MIPOL1: variants seen among roughly 807,000 people sequenced by gnomAD.
The protein encoded by MIPOL1 is mirror-image polydactyly 1.
Under a neutral mutation model 60.9 loss-of-function variants are expected in MIPOL1, and 57 were observed. The observed-to-expected ratio is 0.94, with a 90% CI of 0.76 to 1.17. MIPOL1 has a LOEUF of 1.17. Ranked by LOEUF, MIPOL1 falls within the 50% of genes most tolerant of loss-of-function variation. MIPOL1 has a pLI of 0.00. For missense variants in MIPOL1, 551 were observed against 511.6 expected (o/e 1.08, Z -0.74); for synonymous variants, 179 against 168.8 (o/e 1.06, Z -0.47).
At chr14:37,469,002 C>G (rs1192263076) in intron 11 of MIPOL1, among the ~76,000 whole-genome samples, 4 of 152,202 alleles carry the variant, frequency 2.6e-5, no homozygotes, top group Non-Finnish European at 5.9e-5. Flanking sequence ...TGGACTTTAT[C>G]CTAGGAACAG....
chr14:37,305,615 G>T (rs1240215304), intron 7 of MIPOL1, among the ~76,000 whole-genome samples: 1 of 151,550 alleles, frequency 6.6e-6, no homozygotes, highest in Admixed American at 6.6e-5. Flanking sequence ...TTTAATATCT[G>T]TGATATCCGT....
chr14:37,367,756 T>C (rs1448507341), intron 9 of MIPOL1, among the ~76,000 whole-genome samples: 1 of 152,072 alleles, frequency 6.6e-6, no homozygotes, highest in Admixed American at 6.6e-5. Context: ...TAATTTTATA[T>C]TAAATTTAAT....
intron 11 of MIPOL1, among the ~76,000 whole-genome samples, chr14:37,485,595 T>C (rs2094935055): frequency 2.0e-5 from 3 of 152,184 alleles, no homozygotes; most frequent in Admixed American, 6.6e-5. Flanking sequence ...GATGATGAGA[T>C]TTTTTTCATG....
At chr14:37,383,166 C>T (rs1410531392) in intron 10 of MIPOL1, among the ~76,000 whole-genome samples, 1 of 151,732 alleles carries the variant, frequency 6.6e-6, no homozygotes, top group Admixed American at 6.6e-5. Context: ...AATAATTTCA[C>T]AAAATCATGC....
intron 11 of MIPOL1, among the ~76,000 whole-genome samples, chr14:37,497,417 A>G (rs969290054): frequency 2.0e-5 from 3 of 152,270 alleles, no homozygotes; most frequent in Non-Finnish European, 2.9e-5. Flanking sequence ...ATTAGGCCAT[A>G]TATGTAAAGT....
chr14:37,321,981 T>TTA (rs2088626984), intron 9 of MIPOL1, among the ~76,000 whole-genome samples: 1 of 151,958 alleles, frequency 6.6e-6, no homozygotes, highest in African/African-American at 2.4e-5. Flanking sequence ...CAGTGAACGT[T>TTA]TATATATATA....
rs1158607979 is a variant in MIPOL1 at position 37,549,461 on chromosome 14, T to C, written c.*2490T>C. 2 of 151,766 alleles carry C rather than the reference T, an allele frequency of 1.3e-5. No homozygotes were observed. Among genetic ancestry groups the C allele is most frequent in the African/African-American group, 4.8e-5 (2 of 41,376 alleles). 9.4% of individuals were successfully genotyped at this position (151,766 alleles called of 1,614,324 possible). A position where few individuals can be genotyped will look rare whatever the true frequency, so the allele number is the denominator to read the frequency against. On this transcript the variant is annotated 3_prime_UTR_variant, in exon 13 of 13. Coordinates refer to ENST00000684589, the MANE Select transcript of MIPOL1 (RefSeq NM_001388067.1). The stretch of plus-strand genomic sequence containing the variant: ...TTAGTATTACTGTCATTATAATTAT[T>C]ATTATATTCATTCTACAGATGAGGA...
chr14:37,328,313 C>T (rs2089368655), intron 9 of MIPOL1, among the ~76,000 whole-genome samples: 1 of 152,084 alleles, frequency 6.6e-6, no homozygotes, highest in Non-Finnish European at 1.5e-5. Flanking sequence ...CCACACCCGG[C>T]CCAGAAAATT....
chr14:37,526,220 T>C (rs1294154418), intron 12 of MIPOL1, among the ~76,000 whole-genome samples: 1 of 151,238 alleles, frequency 6.6e-6, no homozygotes, highest in East Asian at 1.9e-4. Flanking sequence ...TTGGAAATAC[T>C]GAACACAACA....
intron 3 of MIPOL1, among the ~76,000 whole-genome samples, chr14:37,250,618 T>A (rs1973928869): frequency 6.6e-6 from 1 of 152,268 alleles, no homozygotes; most frequent in Non-Finnish European, 1.5e-5. Flanking sequence ...ATAACAGATA[T>A]GTTTAAACAG....
At chr14:37,359,074 G>C (rs112967458) in intron 9 of MIPOL1, among the ~76,000 whole-genome samples, 4,813 of 152,118 alleles carry the variant, frequency 0.032, 245 homozygotes, top group African/African-American at 0.11. Context: ...TTCCCAGCAC[G>C]ATTTATTAAA....
intron 1 of MIPOL1, among the ~76,000 whole-genome samples, chr14:37,210,246 A>G (rs1197796795): frequency 6.7e-6 from 1 of 150,254 alleles, no homozygotes; most frequent in Non-Finnish European, 1.5e-5. Context: ...TAGTGTCAGA[A>G]CCCACAGGTT....
chr14:37,302,837 G>A (rs1410195310), intron 7 of MIPOL1, among the ~76,000 whole-genome samples: 1 of 151,644 alleles, frequency 6.6e-6, no homozygotes, highest in East Asian at 1.9e-4. Context: ...TTGATAGTGA[G>A]TCTTGAAATC....
intron 10 of MIPOL1, among the ~76,000 whole-genome samples, chr14:37,394,854 A>C (rs2093340631): frequency 6.6e-6 from 1 of 152,098 alleles, no homozygotes; most frequent in Admixed American, 6.5e-5. Flanking sequence ...CAGTATCTAT[A>C]AGGGTTTTTC....
At chr14:37,444,774 C>T (rs997605111) in intron 11 of MIPOL1, among the ~76,000 whole-genome samples, 5 of 152,088 alleles carry the variant, frequency 3.3e-5, no homozygotes, top group Admixed American at 6.6e-5. Flanking sequence ...GTTCAATATA[C>T]GCAAATCAGT....
intron 7 of MIPOL1, among the ~76,000 whole-genome samples, chr14:37,287,379 G>A (rs144565345): frequency 2.4e-4 from 37 of 152,026 alleles, no homozygotes; most frequent in African/African-American, 8.9e-4. Context: ...AAGGAGCTAT[G>A]ACTACAGGGA....
At chr14:37,223,780 C>A (rs1052614850) in intron 1 of MIPOL1, among the ~76,000 whole-genome samples, 2 of 152,168 alleles carry the variant, frequency 1.3e-5, no homozygotes, top group Non-Finnish European at 2.9e-5. Context: ...GGATTACAGG[C>A]GTGAGCCGCC....
At chr14:37,510,835 G>C (rs551002117) in intron 12 of MIPOL1, among the ~76,000 whole-genome samples, 3 of 152,046 alleles carry the variant, frequency 2.0e-5, no homozygotes, top group Non-Finnish European at 4.4e-5. Flanking sequence ...CCAACCCAGA[G>C]CCCAGAGTTT....
chr14:37,448,280 G>A (rs2094367310), intron 11 of MIPOL1, among the ~76,000 whole-genome samples: 1 of 152,140 alleles, frequency 6.6e-6, no homozygotes, highest in African/African-American at 2.4e-5. Context: ...GCCAGTGTGG[G>A]CTAATGCAGG....
Sources: gnomAD v4.1 joint callset for allele counts (sites outside exome capture counted in the v4.1 genomes callset) on GRCh38, gnomAD v4.1.1 for gene constraint, MANE v1.5 for transcripts, NCBI Gene and HGNC (gene_info 2026-07-23, HGNC 2026-07-21) for gene names.